The following SKIL variants were observed in gnomAD, a reference collection of about 807,000 sequenced individuals.
SKIL encodes the protein SKI like proto-oncogene.
A neutral mutation model predicts 69.6 loss-of-function variants in SKIL; 20 were observed. The ratio of observed to expected loss-of-function variants is 0.29; its 90% confidence interval spans 0.20 to 0.42. The LOEUF is 0.42. SKIL is among the 10% of genes least tolerant of loss of function. SKIL has a pLI of 1.00. For synonymous variants in SKIL, 310 were observed against 279.9 expected, an observed-to-expected ratio of 1.11 and a Z score of -1.08; for missense variants, 745 against 783.1, an observed-to-expected ratio of 0.95 and a Z score of 0.58.
chr3:170,374,344 T>C (rs914131904), intron 2 of SKIL, among the ~76,000 whole-genome samples: 3 of 152,146 alleles, frequency 2.0e-5, no homozygotes, highest in African/African-American at 7.2e-5. Context: ...TCTGTTCATT[T>C]TGGGGTAAAT....
intron 3 of SKIL, among the ~76,000 whole-genome samples, chr3:170,382,931 C>T (rs1737439152): frequency 6.6e-6 from 1 of 151,980 alleles, no homozygotes; most frequent in Admixed American, 6.6e-5. Flanking sequence ...GTTGGCCAGG[C>T]TGGTCTCGAA....
chr3:170,392,607 A>G lies in SKIL; in HGVS notation c.*190A>G, dbSNP rs1737980955. 2.6e-6 allele frequency: 1 copy of G among 386,326 alleles called. No homozygotes were observed. The highest frequency in any genetic ancestry group is 4.7e-6 in the Non-Finnish European group (1 of 214,764). The allele number at this position is 386,326 out of a possible 1,614,324, so 23.9% of individuals were successfully genotyped here. A position where few individuals can be genotyped will look rare whatever the true frequency, so the allele number is the denominator to read the frequency against. On this transcript the variant is annotated 3_prime_UTR_variant, in exon 7 of 7. Transcript: ENST00000259119. Reference sequence around the variant, plus strand: ...TTTTACATTTTCCAAATGAATGAAAATGTATGTTTCTTTGTACTTTTTTAA... The same window carrying G: ...TTTTACATTTTCCAAATGAATGAAAGTGTATGTTTCTTTGTACTTTTTTAA...
intron 2 of SKIL, among the ~76,000 whole-genome samples, chr3:170,373,220 A>G (rs1474693336): frequency 6.6e-6 from 1 of 151,688 alleles, no homozygotes; most frequent in East Asian, 1.9e-4. Flanking sequence ...AGGCTGGAGT[A>G]CAGTGGTGTG....
chr3:170,360,395 G>C lies in SKIL; in HGVS notation c.64G>C (p.Gly22Arg). The C allele has an allele frequency of 6.2e-7, 1 of 1,609,232 alleles. No individual in the cohort carries two copies. The highest frequency in any genetic ancestry group is 8.5e-7 in the Non-Finnish European group (1 of 1,177,424). ...QGSTKKLNGM[G>R]DDGSPPAKKM... The stretch of plus-strand genomic sequence containing the variant: ...CTCAACTAAAAAACTGAATGGGATG[G>C]GAGATGATGGCAGCCCCCCAGCGAA... Residue 22 changes from glycine (G) to arginine (R), a missense_variant, in exon 2 of 7, where the codon GGA (glycine) becomes CGA (arginine). By Grantham distance (125) the Gly-to-Arg change is moderately radical (BLOSUM62 -2). Transcript: ENST00000259119.
At chr3:170,377,963 G>A (rs557504003) in intron 2 of SKIL, among the ~76,000 whole-genome samples, 7 of 151,332 alleles carry the variant, frequency 4.6e-5, no homozygotes, top group East Asian at 1.9e-4. Flanking sequence ...GCGCCGTCTC[G>A]GCTCACTGCA....
chr3:170,389,627 C>G (rs1411667846), intron 4 of SKIL, among the ~76,000 whole-genome samples: 2 of 152,156 alleles, frequency 1.3e-5, no homozygotes, highest in African/African-American at 4.8e-5. Context: ...AAAGATTATT[C>G]TTTCCTGACT....
intron 2 of SKIL, among the ~76,000 whole-genome samples, chr3:170,371,490 G>C (rs1355375006): frequency 6.6e-6 from 1 of 152,182 alleles, no homozygotes; most frequent in Non-Finnish European, 1.5e-5. Context: ...CTGGGCAACA[G>C]AGTGAGACTC....
At chr3:170,379,939 G>C (rs958236842) in intron 2 of SKIL, among the ~76,000 whole-genome samples, 1 of 151,982 alleles carries the variant, frequency 6.6e-6, no homozygotes, top group East Asian at 1.9e-4. Context: ...CCACTGAACC[G>C]AGCCCCTCTT....
Position 170,389,248 on chromosome 3 carries a change from C to T in SKIL, c.1430-975C>T, listed in dbSNP as rs77555277. ...GTTTAGAGTTAATTTTTGTATACAG[C>T]ATAAGGTCCAACCTTATTCTTTTGC... On this transcript the variant is annotated intron_variant, in intron 4 of 6. Coordinates refer to ENST00000259119, the MANE Select transcript of SKIL (RefSeq NM_005414.5). Among the ~76,000 whole-genome samples, 301 of 151,854 alleles carry T rather than the reference C, an allele frequency of 2.0e-3. 1 individual carries two copies. Among genetic ancestry groups the T allele is most frequent in the African/African-American group, 6.9e-3 (284 of 41,354 alleles).
rs911543208 is a variant in SKIL at position 170,388,722 on chromosome 3, G to A, written c.1430-1501G>A. Among the ~76,000 whole-genome samples the A allele has an allele frequency of 3.3e-5, 5 of 151,274 alleles. 1 individual carries two copies. In the South Asian group the frequency reaches 6.3e-4, roughly 19 times the overall value. ...TGGGATTACTGGTGTGAGCCACCGCGCTTGGCCGTGTTAGTGTTCTTTGAA... is the reference window on the plus strand; with the variant it reads ...TGGGATTACTGGTGTGAGCCACCGCACTTGGCCGTGTTAGTGTTCTTTGAA... On this transcript the variant is annotated intron_variant, in intron 4 of 6. Transcript: ENST00000259119.
rs566772816 is a variant in SKIL, at chr3:170,392,456, GT to G, written c.*47del. On this transcript the variant is annotated 3_prime_UTR_variant, in exon 7 of 7. Transcript: ENST00000259119. Reference sequence around the variant, plus strand: ...GATTCATCTGTGTATTACTGACAAGGTTTTTTTTGTTTGTTGCTTGCTTTGG... The same window carrying G: ...GATTCATCTGTGTATTACTGACAAGGTTTTTTTGTTTGTTGCTTGCTTTGG... 103 of 1,349,358 alleles carry G rather than the reference GT, an allele frequency of 7.6e-5. No individual in the cohort carries two copies. The highest frequency in any genetic ancestry group is 3.8e-4 in the Middle Eastern group (2 of 5,240). The allele number at this position is 1,349,358 out of a possible 1,614,324, so 83.6% of individuals were successfully genotyped here.
intron 2 of SKIL, among the ~76,000 whole-genome samples, chr3:170,373,038 A>G (rs1736864988): frequency 7.2e-6 from 1 of 138,886 alleles, no homozygotes. Flanking sequence ...CCCAGGCTGG[A>G]GTTCAGTGGC....
rs753693158 is a variant in SKIL, at chr3:170,391,064, C to T, written c.1700C>T (p.Ser567Phe). Reference protein sequence around the residue: ...MEVKMLSSSKSMKELTEEQQN... With the variant: ...MEVKMLSSSKFMKELTEEQQN... ...GTAAAAATGTTGAGTAGTTCAAAAT[C>T]TATGAAGGAACTCACTGAAGAACAG... The change falls in exon 6 of 7, where the codon TCT becomes TTT. Residue 567 changes from serine to phenylalanine, a missense_variant. Physicochemically the swap from Ser to Phe is radical, Grantham distance 155. Coordinates refer to ENST00000259119, the MANE Select transcript of SKIL (RefSeq NM_005414.5). 1 of 1,591,242 alleles carries T rather than the reference C, an allele frequency of 6.3e-7. No homozygotes were observed. Among genetic ancestry groups the T allele is most frequent in the Non-Finnish European group, 8.6e-7 (1 of 1,161,160 alleles).
intron 2 of SKIL, 31 bp downstream of exon 2, chr3:170,361,460 G>T: frequency 6.8e-7 from 1 of 1,469,938 alleles, no homozygotes; most frequent in East Asian, 2.3e-5. Context: ...TTTAATAATG[G>T]TAATGGTTTA....
chr3:170,362,544 CAATG>C (rs34129766), intron 2 of SKIL, among the ~76,000 whole-genome samples: 133,037 of 151,364 alleles, frequency 0.88, 58,448 homozygotes, highest in East Asian at 0.94. Flanking sequence ...CAGGTGGGAG[CAATG>C]AATGGCTCAC....
At chr3:170,381,593 C>T (rs1737355208) in intron 3 of SKIL, among the ~76,000 whole-genome samples, 1 of 151,784 alleles carries the variant, frequency 6.6e-6, no homozygotes, top group Admixed American at 6.6e-5. Flanking sequence ...CCACCACGCC[C>T]TCCTAATTTT....
chr3:170,369,359 T>TA (rs1337982640), intron 2 of SKIL, among the ~76,000 whole-genome samples: 2 of 152,188 alleles, frequency 1.3e-5, no homozygotes, highest in African/African-American at 4.8e-5. Context: ...GTGCATATGT[T>TA]ATCAATTATG....
chr3:170,364,913 T>G (rs1736428097), intron 2 of SKIL, among the ~76,000 whole-genome samples: 1 of 152,238 alleles, frequency 6.6e-6, no homozygotes, highest in African/African-American at 2.4e-5. Flanking sequence ...CTGTGTTATA[T>G]TTTGCAGTAT....
At chr3:170,369,941 G>A (rs1361908908) in intron 2 of SKIL, among the ~76,000 whole-genome samples, 1 of 152,100 alleles carries the variant, frequency 6.6e-6, no homozygotes, top group Non-Finnish European at 1.5e-5. Flanking sequence ...CTTGTTGTAA[G>A]ATGTGATTTG....
Sources: gnomAD v4.1 joint callset for allele counts (sites outside exome capture counted in the v4.1 genomes callset) on GRCh38, gnomAD v4.1.1 for gene constraint, MANE v1.5 for transcripts, NCBI Gene and HGNC (gene_info 2026-07-23, HGNC 2026-07-21) for gene names.